EEF1G: variants seen among roughly 807,000 people sequenced by gnomAD.
EEF1G encodes eukaryotic translation elongation factor 1 gamma, also known as elongation factor 1-gamma.
Under a neutral mutation model 58.3 loss-of-function variants are expected in EEF1G, and 14 were observed. That is an observed-to-expected ratio of 0.24 (90% CI 0.16 to 0.38). EEF1G has a LOEUF of 0.38. Ranked by LOEUF, EEF1G falls within the 10% of genes least tolerant of loss-of-function variation. The pLI is 1.00. For missense variants in EEF1G, 322 were observed against 550.1 expected (o/e 0.59, Z 4.15); for synonymous variants, 180 against 206.8 (o/e 0.87, Z 1.11).
At chr11:62,572,062 G>C (rs1345999600) in intron 2 of EEF1G, among the ~76,000 whole-genome samples, 161 bp from the exon 3 acceptor site, 1 of 151,938 alleles carries the variant, frequency 6.6e-6, no homozygotes, top group East Asian at 1.9e-4. Context: ...TCAAGAACTT[G>C]GCCTCCTTTG....
intron 5 of EEF1G, among the ~76,000 whole-genome samples, chr11:62,569,389 G>C (rs996224721): frequency 1.3e-5 from 2 of 151,850 alleles, no homozygotes; most frequent in African/African-American, 4.8e-5. Flanking sequence ...CAGGAGAATC[G>C]CTTGAACCTG....
At chr11:62,573,566 C>T in intron 1 of EEF1G, 1 of 584,666 alleles carries the variant, frequency 1.7e-6, no homozygotes, top group East Asian at 2.8e-5. Context: ...GCAACAGAGC[C>T]GAACCCCTTT....
At chr11:62,573,669 C>T in intron 1 of EEF1G, 162 bp downstream of exon 1, 2 of 1,011,932 alleles carry the variant, frequency 2.0e-6, no homozygotes. Flanking sequence ...GCCTCAGTTC[C>T]CCTCCAGGCC....
At chr11:62,560,244 C>T in intron 8 of EEF1G, 38 bp downstream of exon 8, 1 of 1,613,992 alleles carries the variant, frequency 6.2e-7, no homozygotes, top group Non-Finnish European at 8.5e-7. Flanking sequence ...GCACTTGCTA[C>T]ACCTTGTTCT....
chr11:62,571,792 C>T (rs757436908), intron 3 of EEF1G, 46 bp downstream of exon 3: 2 of 1,569,484 alleles, frequency 1.3e-6, no homozygotes, highest in East Asian at 2.4e-5. Context: ...CTCTCCTACA[C>T]CCTCACCTCC....
Position 62,560,394 on chromosome 11 carries a change from T to C in EEF1G, c.918A>G (p.Ala306=). Reference sequence around the variant, plus strand: ...CAAAGTGCTCCCAGAAATATGGCAGTGCCACAGAGAGTGTGTCCTCATTGG... The same window carrying C: ...CAAAGTGCTCCCAGAAATATGGCAGCGCCACAGAGAGTGTGTCCTCATTGG... ...KYSNEDTLSV[A]LPYFWEHFDK... Residue 306 remains alanine, a synonymous_variant, in exon 8 of 10, where the codon GCA becomes GCG. Transcript: ENST00000329251. 2 of 1,609,410 alleles carry C rather than the reference T, an allele frequency of 1.2e-6. No individual in the cohort carries two copies. The highest frequency in any genetic ancestry group is 1.7e-5 in the Admixed American group (1 of 59,140).
At position 62,566,857 on chromosome 11, in the gene EEF1G, G is replaced by A. The variant is rs372879019; in HGVS notation, c.806C>T (p.Ala269Val). Residue 269 changes from alanine (A) to valine (V), a missense_variant, in exon 7 of 10, where the codon GCG (alanine) becomes GTG (valine). This residue lies in a region of EEF1G where 208 missense variants were observed against 323.7 expected (regional missense o/e 0.64). Transcript: ENST00000329251. The part of the protein sequence containing the change: ...PEEEMDECEQ[A>V]LAAEPKAKDP... ...CTTGGCCTTGGGCTCAGCAGCCAGCGCCTGCTCACATTCATCCATCTCCTC... is the reference window on the plus strand; with the variant it reads ...CTTGGCCTTGGGCTCAGCAGCCAGCACCTGCTCACATTCATCCATCTCCTC... 4.4e-5 allele frequency: 71 copies of A among 1,613,182 alleles called. No homozygotes were observed. Among genetic ancestry groups the A allele is most frequent in the African/African-American group, 8.0e-5 (6 of 74,876 alleles).
chr11:62,568,447 G>A (rs1388082452), intron 5 of EEF1G, among the ~76,000 whole-genome samples: 2 of 150,854 alleles, frequency 1.3e-5, no homozygotes, highest in Non-Finnish European at 2.9e-5. Context: ...TGTTGCCCAG[G>A]CTTATCTTGA....
chr11:62,562,277 G>C (rs1245607420), intron 7 of EEF1G, among the ~76,000 whole-genome samples: 1 of 152,088 alleles, frequency 6.6e-6, no homozygotes, highest in Non-Finnish European at 1.5e-5. Context: ...CTTCCTCAGG[G>C]CCGAGAGATT....
At chr11:62,562,958 C>G (rs1434520157) in intron 7 of EEF1G, among the ~76,000 whole-genome samples, 1 of 150,514 alleles carries the variant, frequency 6.6e-6, no homozygotes, top group Non-Finnish European at 1.5e-5. Context: ...TAAAAATTAG[C>G]TGGGAGCTGG....
intron 5 of EEF1G, among the ~76,000 whole-genome samples, chr11:62,569,691 G>A (rs7942154): frequency 0.21 from 32,510 of 152,184 alleles, 4,090 homozygotes; most frequent in Non-Finnish European, 0.3. Context: ...GAACACAGCA[G>A]TCAGAGTGCT....
At position 62,573,838 on chromosome 11, in the gene EEF1G, G is replaced by C. The variant is rs768353853; in HGVS notation, c.5C>G (p.Ala2Gly). M[A>G]AGTLYTYPEN... ...CAGAGCCAGCAAACTTACCCCAGCC[G>C]CCATGGTGATTCCGCAAAGAAAGGG... The change falls in exon 1 of 10, where the codon GCG becomes GGG. Residue 2 changes from alanine (A) to glycine (G), a missense_variant. Physicochemically the swap from Ala to Gly is moderately conservative, Grantham distance 60 (BLOSUM62 0). Coordinates refer to ENST00000329251, the MANE Select transcript of EEF1G (RefSeq NM_001404.5). 6.2e-7 allele frequency: 1 copy of C among 1,613,726 alleles called. No individual in the cohort carries two copies. Among genetic ancestry groups the C allele is most frequent in the Non-Finnish European group, 8.5e-7 (1 of 1,179,840 alleles).
chr11:62,560,093 G>A lies in EEF1G; in HGVS notation c.1131C>T (p.Phe377=). 6.2e-7 allele frequency: 1 copy of A among 1,614,014 alleles called. No individual in the cohort carries two copies. Among genetic ancestry groups the A allele is most frequent in the Non-Finnish European group, 8.5e-7 (1 of 1,179,894 alleles). ...CCGGAAAGGCAAGCTCCTGGCCTCGGAAGACCCAGACTCCAGAAATGGAGC... is the reference window on the plus strand; with the variant it reads ...CCGGAAAGGCAAGCTCCTGGCCTCGAAAGACCCAGACTCCAGAAATGGAGC... ...NSSSISGVWV[F]RGQELAFPLS... The change falls in exon 9 of 10, where the codon TTC becomes TTT. Residue 377 remains phenylalanine, a synonymous_variant. Coordinates refer to ENST00000329251, the MANE Select transcript of EEF1G (RefSeq NM_001404.5).
At chr11:62,567,568 G>A in intron 5 of EEF1G, 40 bp from the exon 6 acceptor site, 1 of 1,534,146 alleles carries the variant, frequency 6.5e-7, no homozygotes, top group South Asian at 1.3e-5. Context: ...CAGTGGAAAG[G>A]CCCTGAAGAG....
At chr11:62,567,264 T>C in intron 6 of EEF1G, 135 bp downstream of exon 6, 1 of 1,223,424 alleles carries the variant, frequency 8.2e-7, no homozygotes, top group Non-Finnish European at 1.1e-6. Flanking sequence ...CTGCACATAA[T>C]ATTAGCTACC....
chr11:62,571,506 T>G (rs777007598), intron 4 of EEF1G, 34 bp downstream of exon 4: 3 of 1,572,796 alleles, frequency 1.9e-6, no homozygotes, highest in Non-Finnish European at 1.7e-6. Context: ...ATGCCACCCC[T>G]GCCCCTGGCT....
At chr11:62,560,514 A>G in intron 7 of EEF1G, 60 bp from the exon 8 acceptor site, 1 of 1,555,626 alleles carries the variant, frequency 6.4e-7, no homozygotes. Context: ...GGCTAAGAGA[A>G]GTGAAGGGTG....
At chr11:62,563,734 C>T (rs1229440716) in intron 7 of EEF1G, among the ~76,000 whole-genome samples, 1 of 152,172 alleles carries the variant, frequency 6.6e-6, no homozygotes, top group Admixed American at 6.6e-5. Flanking sequence ...GAGTTATCAA[C>T]TGTTACCCTG....
At chr11:62,568,387 CAAAAA>C (rs56838630) in intron 5 of EEF1G, among the ~76,000 whole-genome samples, 1 of 60,160 alleles carries the variant, frequency 1.7e-5, no homozygotes, top group Non-Finnish European at 3.1e-5. Flanking sequence ...GACTCTGTCT[CAAAAA>C]AAAAAAAAAA....
Sources: gnomAD v4.1 joint callset for allele counts (sites outside exome capture counted in the v4.1 genomes callset) on GRCh38, gnomAD v4.1.1 for gene constraint, gnomAD v4.1.1 regional missense constraint, MANE v1.5 for transcripts, NCBI Gene and HGNC (gene_info 2026-07-23, HGNC 2026-07-21) for gene names.